Variants in C19orf18 observed in about 807,000 individuals in gnomAD.
C19orf18 encodes chromosome 19 open reading frame 18.
In C19orf18, 21 loss-of-function variants were observed where a neutral mutation model predicts 23.3. The observed-to-expected ratio is 0.90, with a 90% CI of 0.64 to 1.30. The LOEUF (loss-of-function observed/expected upper bound fraction) is 1.30, where lower values mean the gene tolerates loss of function less well. Among genes scored for constraint, C19orf18 ranks in the 50% most tolerant of loss-of-function variants. The pLI is 0.00. For synonymous variants in C19orf18, 96 were observed against 95.2 expected, an observed-to-expected ratio of 1.01 and a Z score of -0.05; for missense variants, 249 against 259.6, an observed-to-expected ratio of 0.96 and a Z score of 0.28.
chr19:57,969,586 A>C (rs1225702247), intron 3 of C19orf18, among the ~76,000 whole-genome samples: 8 of 145,878 alleles, frequency 5.5e-5, no homozygotes, highest in Non-Finnish European at 1.2e-4. Flanking sequence ...AAAAAAAAAA[A>C]AAAAAAAAAA....
chr19:57,958,775 C>CA (rs975213873), intron 5 of C19orf18, 58 bp from the exon 6 acceptor site: 1 of 965,784 alleles, frequency 1.0e-6, no homozygotes. Context: ...AAAATGGAGA[C>CA]AAAAGGGGTG....
At chr19:57,965,985 T>G (rs2072904711) in intron 4 of C19orf18, among the ~76,000 whole-genome samples, 1 of 148,580 alleles carries the variant, frequency 6.7e-6, no homozygotes, top group Non-Finnish European at 1.5e-5. Flanking sequence ...TTCTTTTTCT[T>G]TTTTTTTTTT....
rs184690686 is a variant in C19orf18, at chr19:57,962,375, T to A, written c.372-824A>T. ...AGTGTAATATTTTACAAAATAAAAATTAATGTCAAGAAATCCGTGATGAAC... is the reference window on the plus strand; with the variant it reads ...AGTGTAATATTTTACAAAATAAAAAATAATGTCAAGAAATCCGTGATGAAC... On this transcript the variant is annotated intron_variant, in intron 4 of 5. Transcript: ENST00000314391. Among the ~76,000 whole-genome samples, 37 of 152,166 alleles carry A rather than the reference T, an allele frequency of 2.4e-4. No homozygotes were observed. In the East Asian group the frequency reaches 5.4e-3, roughly 22 times the overall value.
chr19:57,970,976 C>T (rs192177468), intron 3 of C19orf18, among the ~76,000 whole-genome samples: 12 of 152,244 alleles, frequency 7.9e-5, no homozygotes, highest in South Asian at 4.1e-4. Flanking sequence ...GCACACAAAA[C>T]GAGCTAGTGT....
intron 3 of C19orf18, among the ~76,000 whole-genome samples, chr19:57,967,450 T>C (rs2072916576): frequency 6.6e-6 from 1 of 152,132 alleles, no homozygotes. Context: ...ACAGGTTTGG[T>C]GGCTTAGAAA....
At chr19:57,966,068 C>T (rs1373587442) in intron 4 of C19orf18, among the ~76,000 whole-genome samples, 2 of 151,700 alleles carry the variant, frequency 1.3e-5, no homozygotes, top group Non-Finnish European at 2.9e-5. Context: ...AGCTCCGCCT[C>T]CCGGGTTCAC....
intron 2 of C19orf18, 68 bp downstream of exon 2, chr19:57,974,031 C>G (rs1373038671): frequency 2.1e-6 from 3 of 1,463,038 alleles, no homozygotes; most frequent in Non-Finnish European, 1.9e-6. Context: ...AGTACACATT[C>G]ACATGGCAGA....
chr19:57,970,787 T>C (rs1218923411), intron 3 of C19orf18, among the ~76,000 whole-genome samples: 2 of 152,162 alleles, frequency 1.3e-5, no homozygotes, highest in East Asian at 3.8e-4. Context: ...CTCAAACTCC[T>C]GACCTCAGGT....
chr19:57,967,022 T>C (rs2072913549), intron 3 of C19orf18, among the ~76,000 whole-genome samples: 1 of 151,676 alleles, frequency 6.6e-6, no homozygotes, highest in Non-Finnish European at 1.5e-5. Flanking sequence ...AAGTTAGATT[T>C]TCAGTGAGCC....
At chr19:57,961,964 C>T (rs553508632) in intron 4 of C19orf18, among the ~76,000 whole-genome samples, 19 of 147,206 alleles carry the variant, frequency 1.3e-4, no homozygotes, top group South Asian at 6.5e-4. Flanking sequence ...CTTTTTCTTT[C>T]CCTTTCTCTC....
intron 3 of C19orf18, among the ~76,000 whole-genome samples, chr19:57,969,579 A>C (rs997997923): frequency 7.9e-6 from 1 of 126,516 alleles, no homozygotes; most frequent in Non-Finnish European, 1.9e-5. Flanking sequence ...AAAAAAAAAA[A>C]AAAAAAAAAA....
At chr19:57,966,412 T>G in intron 4 of C19orf18, 118 bp downstream of exon 4, 1 of 650,422 alleles carries the variant, frequency 1.5e-6, no homozygotes, top group Non-Finnish European at 2.6e-6. Context: ...AAATTTATAA[T>G]GACCAATACT....
At chr19:57,970,767 C>T (rs1041167195) in intron 3 of C19orf18, among the ~76,000 whole-genome samples, 1 of 151,996 alleles carries the variant, frequency 6.6e-6, no homozygotes, top group African/African-American at 2.4e-5. Context: ...ACCATGTTGT[C>T]CAGGCTGGTC....
At chr19:57,969,564 CAGAAAAAAAAAA>C (rs1568568302) in intron 3 of C19orf18, among the ~76,000 whole-genome samples, 1 of 2,214 alleles carries the variant, frequency 4.5e-4, no homozygotes, top group Non-Finnish European at 7.0e-4. Context: ...TAAAAAAAAA[CAGAAAAAAAAAA>C]AAAAAAAAAA....
At position 57,959,388 on chromosome 19, in the gene C19orf18, T is replaced by C. The variant is rs368829162; in HGVS notation, c.533-671A>G. ...CTGTAATCCCAGGACTTTGGGAGGC[T>C]GAACAGGGCGGATCACTTGAAGTCA... On this transcript the variant is annotated intron_variant, in intron 5 of 5. Transcript: ENST00000314391. Among the ~76,000 whole-genome samples the C allele has an allele frequency of 2.5e-3, 386 of 152,128 alleles. 1 individual carries two copies. The highest frequency in any genetic ancestry group is 0.01 in the Middle Eastern group (3 of 294).
chr19:57,966,383 T>C (rs1208123675), intron 4 of C19orf18, 147 bp downstream of exon 4: 10 of 572,284 alleles, frequency 1.7e-5, no homozygotes, highest in Non-Finnish European at 2.8e-5. Flanking sequence ...AATCCACATG[T>C]TGAAAAACAC....
chr19:57,966,488 G>T, intron 4 of C19orf18, 42 bp downstream of exon 4: 2 of 1,227,486 alleles, frequency 1.6e-6, no homozygotes, highest in Non-Finnish European at 1.2e-6. Context: ...GACTTGTTAT[G>T]TCTCATTTAA....
intron 3 of C19orf18, among the ~76,000 whole-genome samples, chr19:57,971,582 C>T (rs890227699): frequency 1.5e-4 from 23 of 152,092 alleles, no homozygotes; most frequent in African/African-American, 4.8e-4. Context: ...GCGATTCTCC[C>T]GCCTCAGCCT....
At chr19:57,972,442 C>T in intron 3 of C19orf18, 21 bp downstream of exon 3, 1 of 1,613,472 alleles carries the variant, frequency 6.2e-7, no homozygotes, top group South Asian at 1.1e-5. Context: ...TCCACCCGCC[C>T]TCCCAGATCC....
Sources: allele counts gnomAD v4.1 joint callset (sites outside exome capture counted in the v4.1 genomes callset), GRCh38; gene constraint gnomAD v4.1.1; transcripts MANE v1.5; gene names NCBI Gene and HGNC (gene_info 2026-07-23, HGNC 2026-07-21).